The following PHF21A variants were observed in gnomAD, a reference collection of about 807,000 sequenced individuals.
PHF21A encodes BHC80a.
PHF21A carries 11 observed loss-of-function variants against 82.5 expected under a neutral mutation model. That is an observed-to-expected ratio of 0.13 (90% confidence interval 0.08 to 0.22). The LOEUF (loss-of-function observed/expected upper bound fraction) is 0.22, where lower values mean the gene tolerates loss of function less well. Among genes scored for constraint, PHF21A ranks in the 10% least tolerant of loss-of-function variants. The pLI is 1.00. For synonymous variants in PHF21A, 297 were observed against 302.8 expected (o/e 0.98, Z 0.20); for missense variants, 579 against 837.8 (o/e 0.69, Z 3.81).
At chr11:45,984,653 G>A (rs1420084706) in intron 6 of PHF21A, among the ~76,000 whole-genome samples, 2 of 152,166 alleles carry the variant, frequency 1.3e-5, no homozygotes, top group Admixed American at 1.3e-4. Context: ...ACGGAGAGAC[G>A]GAAGGACTGC....
intron 4 of PHF21A, among the ~76,000 whole-genome samples, chr11:46,082,083 T>A (rs1237003601): frequency 6.6e-6 from 1 of 152,224 alleles, no homozygotes; most frequent in Non-Finnish European, 1.5e-5. Context: ...GAGATGTCCA[T>A]CACAGGACAT....
intron 1 of PHF21A, among the ~76,000 whole-genome samples, chr11:46,096,389 C>CT (rs34200870): frequency 0.2 from 30,216 of 152,024 alleles, 3,493 homozygotes; most frequent in Non-Finnish European, 0.26. Context: ...ACCATACTCC[C>CT]TCTAATTCCT....
chr11:46,001,553 AAC>A (rs979875190), intron 6 of PHF21A, among the ~76,000 whole-genome samples: 2 of 152,110 alleles, frequency 1.3e-5, no homozygotes, highest in Admixed American at 1.3e-4. Context: ...GGAAAACAAA[AAC>A]ACTGCTAGCT....
chr11:46,043,135 C>T (rs1046061260), intron 6 of PHF21A, among the ~76,000 whole-genome samples: 1 of 151,946 alleles, frequency 6.6e-6, no homozygotes, highest in African/African-American at 2.4e-5. Context: ...GTTTAAATGC[C>T]ATTTGGGTCC....
intron 6 of PHF21A, among the ~76,000 whole-genome samples, chr11:46,054,513 T>C (rs1232510735): frequency 6.6e-6 from 1 of 152,176 alleles, no homozygotes; most frequent in Admixed American, 6.6e-5. Flanking sequence ...TGGTCTAAGG[T>C]GCAGCCCTGT....
chr11:46,025,735 T>C (rs2095730180), intron 6 of PHF21A, among the ~76,000 whole-genome samples: 1 of 152,212 alleles, frequency 6.6e-6, no homozygotes, highest in South Asian at 2.1e-4. Flanking sequence ...TTCTCCTCTC[T>C]TGCTCTCTCC....
chr11:45,956,008 G>A (rs2092608533), intron 10 of PHF21A, among the ~76,000 whole-genome samples: 1 of 152,148 alleles, frequency 6.6e-6, no homozygotes. Context: ...AGAAGGAAAT[G>A]GGTTAATATA....
chr11:45,949,303 A>G (rs1307105055), intron 13 of PHF21A, 99 bp downstream of exon 13: 2 of 949,670 alleles, frequency 2.1e-6, no homozygotes, highest in Admixed American at 1.9e-5. Flanking sequence ...AAGTACAATC[A>G]GGGTGCTGCT....
intron 1 of PHF21A, among the ~76,000 whole-genome samples, chr11:46,114,658 G>A (rs901568870): frequency 1.3e-5 from 2 of 151,858 alleles, no homozygotes; most frequent in African/African-American, 4.8e-5. Context: ...CAAAGTTTTG[G>A]GTACTTATTT....
chr11:45,941,986 T>A (rs2090438126), intron 15 of PHF21A, among the ~76,000 whole-genome samples: 1 of 152,222 alleles, frequency 6.6e-6, no homozygotes, highest in Non-Finnish European at 1.5e-5. Context: ...TGGTTATTGA[T>A]CCCTAGAAAT....
At chr11:45,997,431 T>C (rs1454107841) in intron 6 of PHF21A, among the ~76,000 whole-genome samples, 1 of 152,168 alleles carries the variant, frequency 6.6e-6, no homozygotes, top group African/African-American at 2.4e-5. Context: ...CGTTACATAC[T>C]AGAGGATTCA....
At chr11:45,966,023 G>A (rs2093413009) in intron 9 of PHF21A, among the ~76,000 whole-genome samples, 2 of 152,122 alleles carry the variant, frequency 1.3e-5, no homozygotes, top group Non-Finnish European at 2.9e-5. Context: ...CCTGTTCTTG[G>A]CCACTCCTCC....
chr11:45,992,729 A>G (rs1205401476), intron 6 of PHF21A, among the ~76,000 whole-genome samples: 1 of 152,258 alleles, frequency 6.6e-6, no homozygotes, highest in Non-Finnish European at 1.5e-5. Flanking sequence ...ATATGCTAAG[A>G]TAAAATATCT....
chr11:45,981,094 C>T (rs1040843194), intron 6 of PHF21A, among the ~76,000 whole-genome samples: 1 of 151,988 alleles, frequency 6.6e-6, no homozygotes, highest in Non-Finnish European at 1.5e-5. Flanking sequence ...GCACTTATAA[C>T]TATATTGCTG....
At chr11:45,973,379 T>A (rs537601836) in intron 7 of PHF21A, among the ~76,000 whole-genome samples, 1 of 152,254 alleles carries the variant, frequency 6.6e-6, no homozygotes, top group Non-Finnish European at 1.5e-5. Flanking sequence ...TTAGGGGTAT[T>A]AAGTTGTTTG....
At chr11:45,968,606 T>C (rs1315232650) in intron 9 of PHF21A, among the ~76,000 whole-genome samples, 1 of 152,188 alleles carries the variant, frequency 6.6e-6, no homozygotes, top group Non-Finnish European at 1.5e-5. Context: ...CAAAGAAAGC[T>C]TGAAGAAACC....
At position 45,981,940 on chromosome 11, in the gene PHF21A, CTTTTTTTTT is replaced by C. The variant is rs754937092; in HGVS notation, c.154-1983_154-1975del. The stretch of plus-strand genomic sequence containing the variant: ...GGTTTGTTTCTCTCTTTTTGTTTTT[CTTTTTTTTT>C]TTTTTTTTTTTTTTTTGGTTGTTTT... On this transcript the variant is annotated intron_variant, in intron 6 of 18. Transcript: ENST00000676320. Among the ~76,000 whole-genome samples the C allele has an allele frequency of 4.5e-3, 356 of 78,330 alleles. 1 individual carries two copies. Among genetic ancestry groups the C allele is most frequent in the Middle Eastern group, 0.017 (1 of 60 alleles). 51.4% of individuals were successfully genotyped at this position (78,330 alleles called of 152,430 possible). A position where few individuals can be genotyped will look rare whatever the true frequency, so the allele number is the denominator to read the frequency against.
chr11:46,069,484 T>C (rs948854339), intron 6 of PHF21A, among the ~76,000 whole-genome samples: 1 of 152,160 alleles, frequency 6.6e-6, no homozygotes, highest in South Asian at 2.1e-4. Context: ...AGGGTAACAT[T>C]TTACAGTAAC....
intron 6 of PHF21A, among the ~76,000 whole-genome samples, chr11:46,016,649 A>G (rs763131008): frequency 2.1e-4 from 32 of 152,166 alleles, no homozygotes; most frequent in Admixed American, 3.3e-4. Context: ...GACATAATCT[A>G]TTTTACACTG....
Sources: gnomAD v4.1 joint callset for allele counts (sites outside exome capture counted in the v4.1 genomes callset) on GRCh38, gnomAD v4.1.1 for gene constraint, MANE v1.5 for transcripts, NCBI Gene and HGNC (gene_info 2026-07-23, HGNC 2026-07-21) for gene names.